The following TMTC2 variants were observed in gnomAD, a reference collection of about 807,000 sequenced individuals.
TMTC2 encodes the protein protein O-mannosyl-transferase TMTC2.
A neutral mutation model predicts 82.4 loss-of-function variants in TMTC2; 43 were observed. The ratio of observed to expected loss-of-function variants is 0.52; its 90% confidence interval spans 0.41 to 0.67. The LOEUF is 0.67. Among genes scored for constraint, TMTC2 ranks in the 30% least tolerant of loss-of-function variants. TMTC2 has a pLI of 0.00. For missense variants in TMTC2, 919 were observed against 1,012.4 expected (o/e 0.91, Z 1.25); for synonymous variants, 408 against 381.9 (o/e 1.07, Z -0.80).
chr12:83,067,964 G>T (rs1882977576), intron 11 of TMTC2, among the ~76,000 whole-genome samples: 1 of 151,982 alleles, frequency 6.6e-6, no homozygotes, highest in East Asian at 1.9e-4. Context: ...TCTTTCCCAG[G>T]TACTTAGAAC....
chr12:82,877,687 G>A (rs1382117165), intron 2 of TMTC2, among the ~76,000 whole-genome samples: 10 of 151,960 alleles, frequency 6.6e-5, no homozygotes, highest in Admixed American at 2.6e-4. Flanking sequence ...GTGACTTAAG[G>A]ATAAGGAACT....
intron 2 of TMTC2, among the ~76,000 whole-genome samples, chr12:82,871,681 C>CTG (rs10662218): frequency 0.14 from 19,881 of 141,710 alleles, 1,463 homozygotes; most frequent in Admixed American, 0.22. Flanking sequence ...CTCTGCTCAT[C>CTG]TGTGTGTGTG....
Position 82,735,559 on chromosome 12 carries a change from A to C in TMTC2, c.83+47890A>C, listed in dbSNP as rs182463505. 1.3e-4 allele frequency among the ~76,000 whole-genome samples: 20 copies of C among 151,910 alleles called. 1 individual carries two copies. In the East Asian group the frequency reaches 4.0e-3, roughly 30 times the overall value. The stretch of plus-strand genomic sequence containing the variant: ...ACGAAGTTTCACTGTGTTAGCCAGG[A>C]TGGTCTCGATCTCCTGACCTTGTGA... On this transcript the variant is annotated intron_variant, in intron 1 of 11. Transcript: ENST00000321196.
intron 1 of TMTC2, among the ~76,000 whole-genome samples, chr12:82,772,766 C>A (rs531622556): frequency 6.6e-6 from 1 of 152,112 alleles, no homozygotes; most frequent in African/African-American, 2.4e-5. Context: ...AATAATGCTA[C>A]TTTCCCAAGA....
At chr12:82,892,981 A>T (rs1288882320) in intron 2 of TMTC2, among the ~76,000 whole-genome samples, 1 of 152,174 alleles carries the variant, frequency 6.6e-6, no homozygotes, top group Non-Finnish European at 1.5e-5. Flanking sequence ...TTTTAGAATT[A>T]TTATTGCTGG....
At chr12:83,035,078 T>C (rs2137430182) in intron 9 of TMTC2, among the ~76,000 whole-genome samples, 1 of 152,332 alleles carries the variant, frequency 6.6e-6, no homozygotes. Flanking sequence ...GAGTTTTGTA[T>C]GGGAAATCCA....
intron 2 of TMTC2, among the ~76,000 whole-genome samples, chr12:82,877,156 T>C (rs931251273): frequency 2.6e-5 from 4 of 152,192 alleles, no homozygotes; most frequent in Non-Finnish European, 5.9e-5. Flanking sequence ...TAGTCCATTT[T>C]TGCATTGATC....
At chr12:83,120,461 A>G (rs1424334760) in intron 11 of TMTC2, among the ~76,000 whole-genome samples, 1 of 152,180 alleles carries the variant, frequency 6.6e-6, no homozygotes, top group Non-Finnish European at 1.5e-5. Flanking sequence ...GTTTTGTTTG[A>G]GGAGGCTAAA....
At chr12:83,046,916 T>C (rs1882164158) in intron 9 of TMTC2, among the ~76,000 whole-genome samples, 1 of 152,240 alleles carries the variant, frequency 6.6e-6, no homozygotes, top group African/African-American at 2.4e-5. Flanking sequence ...GGTGCTCTAA[T>C]TTAGTTGGTA....
intron 1 of TMTC2, among the ~76,000 whole-genome samples, chr12:82,730,578 C>G (rs777282619): frequency 1.3e-5 from 2 of 152,158 alleles, no homozygotes; most frequent in Non-Finnish European, 2.9e-5. Context: ...TGAATCCATG[C>G]AGAGATTAGC....
chr12:82,987,376 A>T lies in TMTC2; in HGVS notation c.2070+1330A>T, dbSNP rs1796200. Among the ~76,000 whole-genome samples the T allele has an allele frequency of 9.5e-3, 1,243 of 130,452 alleles. 30 individuals are homozygous for T. The highest frequency in any genetic ancestry group is 0.035 in the African/African-American group (1,200 of 34,454). The allele number at this position is 130,452 out of a possible 152,430, so 85.6% of individuals were successfully genotyped here. ...AAGGCCAAGGTTGCGGTGAGCCGAG[A>T]TCATGCTACTACACTCCAGCCTGGG... is the stretch of plus-strand genomic sequence containing the variant. On this transcript the variant is annotated intron_variant, in intron 8 of 11. Transcript: ENST00000321196.
chr12:83,014,948 C>T (rs1880610362), intron 8 of TMTC2, among the ~76,000 whole-genome samples: 1 of 152,054 alleles, frequency 6.6e-6, no homozygotes, highest in Admixed American at 6.6e-5. Context: ...GATATTATCC[C>T]TGTAAAGAAT....
At chr12:83,011,884 A>G (rs1880480563) in intron 8 of TMTC2, among the ~76,000 whole-genome samples, 1 of 152,212 alleles carries the variant, frequency 6.6e-6, no homozygotes, top group Non-Finnish European at 1.5e-5. Context: ...GAAAGTAGAT[A>G]CCATGTTCAT....
At chr12:82,761,866 CTTTCTCTCTTTCTTTCTT>C (rs1876654243) in intron 1 of TMTC2, among the ~76,000 whole-genome samples, 1 of 45,394 alleles carries the variant, frequency 2.2e-5, no homozygotes, top group Non-Finnish European at 5.2e-5. Context: ...GACTGTTTCT[CTTTCTCTCTTTCTTTCTT>C]TCTCTCTCTT....
chr12:82,812,486 G>T (rs1868453580), intron 1 of TMTC2, among the ~76,000 whole-genome samples: 1 of 152,080 alleles, frequency 6.6e-6, no homozygotes, highest in Non-Finnish European at 1.5e-5. Context: ...GAGTGGAAGG[G>T]TTATTTAAGG....
At chr12:83,080,251 A>C (rs1322133931) in intron 11 of TMTC2, among the ~76,000 whole-genome samples, 1 of 152,196 alleles carries the variant, frequency 6.6e-6, no homozygotes, top group Admixed American at 6.5e-5. Flanking sequence ...TTTAAAAGTT[A>C]GGAATCTTTT....
intron 1 of TMTC2, among the ~76,000 whole-genome samples, chr12:82,771,923 G>A (rs1465136916): frequency 6.6e-6 from 1 of 152,134 alleles, no homozygotes; most frequent in Non-Finnish European, 1.5e-5. Flanking sequence ...TCTATACCAT[G>A]CCATATTTGC....
intron 8 of TMTC2, among the ~76,000 whole-genome samples, chr12:82,989,678 T>A (rs544392422): frequency 2.6e-5 from 4 of 151,810 alleles, no homozygotes; most frequent in East Asian, 1.9e-4. Flanking sequence ...TCTAAAAAAA[T>A]TTTTCAAGCC....
At chr12:82,937,538 G>A (rs1876381367) in intron 4 of TMTC2, among the ~76,000 whole-genome samples, 1 of 151,954 alleles carries the variant, frequency 6.6e-6, no homozygotes, top group Non-Finnish European at 1.5e-5. Flanking sequence ...TCTTTTGAGG[G>A]GGTGAGGGGG....
Sources: gnomAD v4.1 joint callset for allele counts (sites outside exome capture counted in the v4.1 genomes callset) on GRCh38, gnomAD v4.1.1 for gene constraint, MANE v1.5 for transcripts, NCBI Gene and HGNC (gene_info 2026-07-23, HGNC 2026-07-21) for gene names.